The following XPNPEP3 variants were observed in gnomAD, a reference collection of about 807,000 sequenced individuals.
XPNPEP3 encodes xaa-Pro aminopeptidase 3.
In XPNPEP3, 41 loss-of-function variants were observed where a neutral mutation model predicts 60.0. The observed-to-expected ratio is 0.68, with a 90% confidence interval of 0.53 to 0.89. The LOEUF (loss-of-function observed/expected upper bound fraction) is 0.89, where lower values mean the gene tolerates loss of function less well. Among genes scored for constraint, XPNPEP3 ranks in the 40% least tolerant of loss-of-function variants. The pLI is 0.00. For missense variants in XPNPEP3, 598 were observed against 638.9 expected (o/e 0.94, Z 0.69); for synonymous variants, 212 against 223.2 (o/e 0.95, Z 0.45).
In XPNPEP3 at chr22:40,881,964, G is replaced by A. The variant is rs772250821; in HGVS notation, c.376G>A (p.Gly126Arg). ...AGACAACAATTTCCTGTACCTATGT[G>A]GATTCCAAGAGCCTGATAGCATTCT... is the stretch of plus-strand genomic sequence containing the variant. ...HQDNNFLYLC[G>R]FQEPDSILVL... is the part of the protein sequence containing the mutation. Residue 126 changes from glycine (G) to arginine (R), a missense_variant, in exon 3 of 10, where the codon GGA becomes AGA. Physicochemically the swap from Gly to Arg is moderately radical, Grantham distance 125 (BLOSUM62 -2). Transcript: ENST00000357137. The A allele has an allele frequency of 6.2e-7, 1 of 1,613,908 alleles. No homozygotes were observed. Among genetic ancestry groups the A allele is most frequent in the South Asian group, 1.1e-5 (1 of 91,060 alleles).
intron 8 of XPNPEP3, among the ~76,000 whole-genome samples, chr22:40,923,061 AAGTT>A (rs1326636793): frequency 1.3e-5 from 2 of 152,074 alleles, no homozygotes; most frequent in Admixed American, 1.3e-4. Context: ...AAAAATTTAA[AAGTT>A]AGCCAGGTGT....
At chr22:40,880,135 TCC>T (rs2058042016) in intron 2 of XPNPEP3, among the ~76,000 whole-genome samples, 1 of 151,590 alleles carries the variant, frequency 6.6e-6, no homozygotes, top group South Asian at 2.1e-4. Flanking sequence ...CCTGGGACTA[TCC>T]CCATAATAAT....
At chr22:40,920,717 A>G (rs1362670906) in intron 7 of XPNPEP3, among the ~76,000 whole-genome samples, 1 of 152,114 alleles carries the variant, frequency 6.6e-6, no homozygotes. Context: ...CCATTATCCC[A>G]CACCATAAAT....
intron 4 of XPNPEP3, chr22:40,907,134 A>C: frequency 2.2e-6 from 1 of 456,406 alleles, no homozygotes; most frequent in Middle Eastern, 3.3e-4. Context: ...AGAAATCCGT[A>C]TTATTGGCCC....
chr22:40,922,514 G>C lies in XPNPEP3; in HGVS notation c.1236+1G>C. 6.2e-7 allele frequency: 1 copy of C among 1,613,772 alleles called. No individual in the cohort carries two copies. The highest frequency in any genetic ancestry group is 8.5e-7 in the Non-Finnish European group (1 of 1,179,946). ...CATTAAGGAAAATAATGCCTTCAAG[G>C]TACTTCACTTCTCTTGACCCCAGTT... is the stretch of plus-strand genomic sequence containing the variant. On this transcript the variant is annotated splice_donor_variant, in intron 8 of 9. Coordinates refer to ENST00000357137, the MANE Select transcript of XPNPEP3 (RefSeq NM_022098.4). LOFTEE classifies it high-confidence loss of function.
intron 4 of XPNPEP3, among the ~76,000 whole-genome samples, chr22:40,890,365 T>A (rs2058084074): frequency 6.6e-6 from 1 of 151,454 alleles, no homozygotes; most frequent in African/African-American, 2.4e-5. Flanking sequence ...CTGGGCAACA[T>A]GGAGAGACCC....
At chr22:40,877,219 C>T (rs150924764) in intron 2 of XPNPEP3, among the ~76,000 whole-genome samples, 1 of 152,120 alleles carries the variant, frequency 6.6e-6, no homozygotes, top group Non-Finnish European at 1.5e-5. Flanking sequence ...TTCTGAGAGG[C>T]CTGTTTTACA....
At chr22:40,874,814 C>T (rs2058021505) in intron 2 of XPNPEP3, among the ~76,000 whole-genome samples, 1 of 152,126 alleles carries the variant, frequency 6.6e-6, no homozygotes, top group African/African-American at 2.4e-5. Flanking sequence ...CATGAGATGC[C>T]TGATGACTTA....
intron 4 of XPNPEP3, among the ~76,000 whole-genome samples, chr22:40,898,379 G>A (rs1320714975): frequency 7.2e-6 from 1 of 138,704 alleles, no homozygotes; most frequent in Non-Finnish European, 1.5e-5. Flanking sequence ...TCAGCCTCCC[G>A]AGTAGCTGGG....
chr22:40,875,882 T>C (rs1007644153), intron 2 of XPNPEP3, among the ~76,000 whole-genome samples: 47 of 148,452 alleles, frequency 3.2e-4, no homozygotes, highest in African/African-American at 1.1e-3. Flanking sequence ...TAGCCAGGCA[T>C]GGTGGTGCAT....
At chr22:40,857,708 C>G (rs184668351) in intron 1 of XPNPEP3, among the ~76,000 whole-genome samples, 1 of 152,344 alleles carries the variant, frequency 6.6e-6, no homozygotes, top group East Asian at 1.9e-4. Flanking sequence ...GTCTGAAAGT[C>G]CTGTTTGCAA....
At chr22:40,884,917 A>T (rs1484744214) in intron 3 of XPNPEP3, among the ~76,000 whole-genome samples, 1 of 151,750 alleles carries the variant, frequency 6.6e-6, no homozygotes, top group Non-Finnish European at 1.5e-5. Context: ...AATCCCAGCT[A>T]CTTGGGAGGT....
rs1247513099 is a variant in XPNPEP3 at position 40,869,110 on chromosome 22, G to T, written c.176G>T (p.Arg59Ile). ...CCCTTTACACACCCACACCTCCTCA[G>T]ACCAGGTAAGGCCTTTTAACTGTGC... is the stretch of plus-strand genomic sequence containing the variant. ...PSPFTHPHLL[R>I]PGEVTPGLSQ... is the part of the protein sequence containing the mutation. The change falls in exon 2 of 10, where the codon AGA (arginine) becomes ATA (isoleucine). Residue 59 changes from arginine to isoleucine, a missense_variant. By Grantham distance (97) the Arg-to-Ile change is moderately conservative. Transcript: ENST00000357137. The T allele has an allele frequency of 5.0e-6, 8 of 1,613,380 alleles. No homozygotes were observed. Among genetic ancestry groups the T allele is most frequent in the Non-Finnish European group, 6.8e-6 (8 of 1,179,454 alleles).
rs373801186 is a variant in XPNPEP3, at chr22:40,861,631, G to T, written c.64+4386G>T. The T allele has an allele frequency of 3.6e-5, 58 of 1,613,408 alleles. No homozygotes were observed. The African/African-American group carries it at 6.3e-4, about 17-fold the overall frequency. Reference sequence around the variant, plus strand: ...CTGTTTCCATAGGAGCTTCCTGGACGATTTAACAGGTCCTCAAGCGAGTCT... The same window carrying T: ...CTGTTTCCATAGGAGCTTCCTGGACTATTTAACAGGTCCTCAAGCGAGTCT... On this transcript the variant is annotated intron_variant, in intron 1 of 9. Transcript: ENST00000357137.
intron 4 of XPNPEP3, among the ~76,000 whole-genome samples, chr22:40,905,815 C>CA (rs1375620951): frequency 1.3e-5 from 2 of 151,734 alleles, no homozygotes; most frequent in African/African-American, 4.8e-5. Context: ...TTTTTTTAGA[C>CA]AGAGTCTCGC....
At chr22:40,862,525 A>T (rs1242957334) in intron 1 of XPNPEP3, 13 of 985,484 alleles carry the variant, frequency 1.3e-5, no homozygotes, top group Non-Finnish European at 1.6e-5. Flanking sequence ...GTTCAGAGGG[A>T]GATACAAACA....
intron 1 of XPNPEP3, among the ~76,000 whole-genome samples, chr22:40,868,666 C>T (rs2057990880): frequency 6.6e-6 from 1 of 151,960 alleles, no homozygotes; most frequent in South Asian, 2.1e-4. Flanking sequence ...ACCAGCCTGG[C>T]CAACAGGATT....
chr22:40,860,587 A>G, intron 1 of XPNPEP3: 1 of 1,204,250 alleles, frequency 8.3e-7, no homozygotes, highest in Admixed American at 3.1e-5. Context: ...TAGAAAAAAG[A>G]AAAATAGGCT....
chr22:40,857,360 A>G, intron 1 of XPNPEP3, 115 bp downstream of exon 1: 1 of 1,166,698 alleles, frequency 8.6e-7, no homozygotes, highest in Non-Finnish European at 1.3e-6. Context: ...CCGCTCCCCA[A>G]CCCTCTGTGC....
Sources: allele counts gnomAD v4.1 joint callset (sites outside exome capture counted in the v4.1 genomes callset), GRCh38; gene constraint gnomAD v4.1.1; transcripts MANE v1.5; gene names NCBI Gene and HGNC (gene_info 2026-07-23, HGNC 2026-07-21).